RBFOX1: variants seen among roughly 807,000 people sequenced by gnomAD.
RBFOX1 encodes RNA binding fox-1 homolog 1.
RBFOX1 carries 8 observed loss-of-function variants against 57.7 expected under a neutral mutation model. That is an observed-to-expected ratio of 0.14 (90% CI 0.08 to 0.25). RBFOX1 has a LOEUF of 0.25. Ranked by LOEUF, RBFOX1 falls within the 10% of genes least tolerant of loss-of-function variation. The probability of loss-of-function intolerance (pLI) is 1.00; values close to 1 mark genes in which losing one functional copy is unlikely to be tolerated. For synonymous variants in RBFOX1, 326 were observed against 222.4 expected (o/e 1.47, Z -4.15); for missense variants, 611 against 548.5 (o/e 1.11, Z -1.14).
rs368452304 is a variant in RBFOX1, at chr16:6,082,863, CG to C, written c.-127+62874del. Reference sequence around the variant, plus strand: ...CTTGGACCCAATAGCCCAGATCCCACGGGTGTCATAGGAAGTGCTTATCACG... The same window carrying C: ...CTTGGACCCAATAGCCCAGATCCCACGGTGTCATAGGAAGTGCTTATCACG... On this transcript the variant is annotated intron_variant, in intron 1 of 15. Coordinates refer to ENST00000550418, the MANE Select transcript of RBFOX1 (RefSeq NM_018723.4). Among the ~76,000 whole-genome samples the C allele has an allele frequency of 2.4e-3, 363 of 152,226 alleles. 2 individuals are homozygous for C. Among genetic ancestry groups the C allele is most frequent in the African/African-American group, 7.7e-3 (320 of 41,536 alleles).
At chr16:6,386,320 T>C (rs926018317) in intron 2 of RBFOX1, among the ~76,000 whole-genome samples, 2 of 152,186 alleles carry the variant, frequency 1.3e-5, no homozygotes, top group African/African-American at 4.8e-5. Context: ...GGAACACCAA[T>C]ACCCGTAAAG....
intron 4 of RBFOX1, among the ~76,000 whole-genome samples, chr16:7,501,495 A>G (rs1183721059): frequency 6.6e-6 from 1 of 152,234 alleles, no homozygotes; most frequent in Non-Finnish European, 1.5e-5. Flanking sequence ...TAAGACAGAC[A>G]TAGGTCTCTG....
At chr16:7,129,922 C>G (rs779602199) in intron 4 of RBFOX1, among the ~76,000 whole-genome samples, 1 of 152,028 alleles carries the variant, frequency 6.6e-6, no homozygotes, top group Non-Finnish European at 1.5e-5. Flanking sequence ...TGGAACCCTG[C>G]TTTGTTTTCC....
intron 3 of RBFOX1, among the ~76,000 whole-genome samples, chr16:6,904,736 C>G (rs2069386649): frequency 6.6e-6 from 1 of 151,956 alleles, no homozygotes; most frequent in South Asian, 2.1e-4. Context: ...CACAGGGACC[C>G]TCGCCTTGCA....
chr16:5,834,783 T>TGCAC (rs2056405935), intron 3 of RBFOX1, among the ~76,000 whole-genome samples: 2 of 110,008 alleles, frequency 1.8e-5, no homozygotes, highest in African/African-American at 9.8e-5. Flanking sequence ...AGATGATAGA[T>TGCAC]AGATAGATAG....
chr16:6,417,114 C>T (rs775281624), intron 2 of RBFOX1, among the ~76,000 whole-genome samples: 7 of 152,070 alleles, frequency 4.6e-5, no homozygotes, highest in Non-Finnish European at 7.4e-5. Flanking sequence ...CGGGTTCAAG[C>T]GATTCTCCTG....
intron 4 of RBFOX1, among the ~76,000 whole-genome samples, chr16:7,210,018 C>T (rs1388631269): frequency 6.6e-6 from 1 of 152,152 alleles, no homozygotes; most frequent in Admixed American, 6.5e-5. Flanking sequence ...GATCATTCTC[C>T]AGTGAAAACC....
At chr16:6,959,884 T>C (rs2082607524) in intron 3 of RBFOX1, among the ~76,000 whole-genome samples, 1 of 152,090 alleles carries the variant, frequency 6.6e-6, no homozygotes, top group African/African-American at 2.4e-5. Context: ...TGTAGTGAGC[T>C]GAGATTGTGC....
At chr16:5,818,363 C>T (rs961966904) in intron 3 of RBFOX1, among the ~76,000 whole-genome samples, 1 of 152,200 alleles carries the variant, frequency 6.6e-6, no homozygotes, top group African/African-American at 2.4e-5. Context: ...GGGGTTCTCG[C>T]ACTCCCCATA....
chr16:5,984,247 A>G (rs1177903886), intron 4 of RBFOX1, among the ~76,000 whole-genome samples: 1 of 142,000 alleles, frequency 7.0e-6, no homozygotes, highest in Non-Finnish European at 1.5e-5. Context: ...ACCAGGAGCA[A>G]TAAAAGTCCC....
At chr16:6,573,266 A>G (rs906076827) in intron 2 of RBFOX1, among the ~76,000 whole-genome samples, 6 of 152,130 alleles carry the variant, frequency 3.9e-5, no homozygotes, top group Non-Finnish European at 8.8e-5. Context: ...TGACTGCCAC[A>G]AACACGCCTC....
At chr16:6,713,060 G>C (rs1302410706) in intron 3 of RBFOX1, among the ~76,000 whole-genome samples, 1 of 151,840 alleles carries the variant, frequency 6.6e-6, no homozygotes, top group Non-Finnish European at 1.5e-5. Context: ...GGCCTCCCCA[G>C]CCATGTGAAA....
At chr16:6,803,221 C>G (rs1382676855) in intron 3 of RBFOX1, among the ~76,000 whole-genome samples, 2 of 152,124 alleles carry the variant, frequency 1.3e-5, no homozygotes, top group African/African-American at 4.8e-5. Context: ...ACTTGACCCT[C>G]ATTGCCTATG....
At chr16:7,082,789 A>G (rs1335776725) in intron 4 of RBFOX1, among the ~76,000 whole-genome samples, 1 of 152,194 alleles carries the variant, frequency 6.6e-6, no homozygotes, top group Non-Finnish European at 1.5e-5. Context: ...TGAAACAGAG[A>G]GGCCACCAGT....
chr16:5,882,729 A>T (rs2057793526), intron 4 of RBFOX1, among the ~76,000 whole-genome samples: 1 of 152,194 alleles, frequency 6.6e-6, no homozygotes, highest in Non-Finnish European at 1.5e-5. Flanking sequence ...CCCATGTGCC[A>T]GTGTTGTCCC....
chr16:6,762,447 A>T (rs2076741248), intron 3 of RBFOX1, among the ~76,000 whole-genome samples: 1 of 152,148 alleles, frequency 6.6e-6, no homozygotes, highest in Admixed American at 6.5e-5. Flanking sequence ...ATTATGGATT[A>T]CCTACCTGTA....
chr16:7,129,993 C>T (rs2069786044), intron 4 of RBFOX1, among the ~76,000 whole-genome samples: 1 of 151,744 alleles, frequency 6.6e-6, no homozygotes, highest in Non-Finnish European at 1.5e-5. Context: ...TCCTCTACTT[C>T]CATCTATACC....
chr16:6,104,942 C>A (rs975537816), intron 1 of RBFOX1, among the ~76,000 whole-genome samples: 5 of 152,174 alleles, frequency 3.3e-5, no homozygotes, highest in East Asian at 1.9e-4. Flanking sequence ...CTAGAACTTT[C>A]TTTTCTAGGA....
intron 3 of RBFOX1, among the ~76,000 whole-genome samples, chr16:6,960,448 C>T (rs894884870): frequency 1.3e-5 from 2 of 152,088 alleles, no homozygotes; most frequent in Non-Finnish European, 2.9e-5. Context: ...GAATAAACTC[C>T]CTTGTCTCCC....
Sources: gnomAD v4.1 joint callset for allele counts (sites outside exome capture counted in the v4.1 genomes callset) on GRCh38, gnomAD v4.1.1 for gene constraint, MANE v1.5 for transcripts, NCBI Gene and HGNC (gene_info 2026-07-23, HGNC 2026-07-21) for gene names.